The following MASTL variants were observed in gnomAD, a reference collection of about 807,000 sequenced individuals.
The protein encoded by MASTL is microtubule associated serine/threonine kinase like, also known as serine/threonine-protein kinase greatwall.
MASTL carries 54 observed loss-of-function variants against 82.5 expected under a neutral mutation model. That is an observed-to-expected ratio of 0.65 (90% CI 0.53 to 0.82). MASTL has a LOEUF of 0.82. Among genes scored for constraint, MASTL ranks in the 40% least tolerant of loss-of-function variants. The pLI is 0.00. For synonymous variants in MASTL, 323 were observed against 368.9 expected (o/e 0.88, Z 1.43); for missense variants, 950 against 1,047.8 (o/e 0.91, Z 1.29).
At chr10:27,171,825 CTTTTTTTT>C (rs112511530) in intron 8 of MASTL, among the ~76,000 whole-genome samples, 2 of 93,560 alleles carry the variant, frequency 2.1e-5, no homozygotes, top group Non-Finnish European at 3.8e-5. Context: ...AAATATGTTT[CTTTTTTTT>C]TTTTTTTTTT....
Position 27,170,655 on chromosome 10 carries a change from T to C in MASTL, c.1696T>C (p.Ser566Pro). 3 of 1,608,878 alleles carry C rather than the reference T, an allele frequency of 1.9e-6. No homozygotes were observed. The highest frequency in any genetic ancestry group is 2.5e-6 in the Non-Finnish European group (3 of 1,178,606). ...TGATGATAGAGCTTCTAAAAATATTTCTATGAACTCTGATTCATCTTTTCC... is the reference window on the plus strand; with the variant it reads ...TGATGATAGAGCTTCTAAAAATATTCCTATGAACTCTGATTCATCTTTTCC... ...SDDDRASKNI[S>P]MNSDSSFPGI... is the part of the protein sequence containing the mutation. The change falls in exon 8 of 12, where the codon TCT becomes CCT. Residue 566 changes from serine (S) to proline (P), a missense_variant. Ser to Pro is a moderately conservative substitution (Grantham distance 74, BLOSUM62 -1). Transcript: ENST00000375940.
In MASTL at chr10:27,155,393, C is replaced by T. The variant is rs763772628; in HGVS notation, c.-34C>T. ...GCGGGAGTGGCTGCTCGCGGAGGGG[C>T]AGTGTCTGCGGGGCCGCTGTATGCT... On this transcript the variant is annotated 5_prime_UTR_variant, in exon 1 of 12. Coordinates refer to ENST00000375940, the MANE Select transcript of MASTL (RefSeq NM_001172303.3). 7.0e-6 allele frequency: 11 copies of T among 1,563,920 alleles called. No individual in the cohort carries two copies. In the Admixed American group the frequency reaches 7.6e-5, roughly 11 times the overall value.
intron 1 of MASTL, among the ~76,000 whole-genome samples, chr10:27,156,110 T>G (rs2057363800): frequency 6.6e-6 from 1 of 152,190 alleles, no homozygotes; most frequent in Non-Finnish European, 1.5e-5. Context: ...GTTCACGCCA[T>G]TCCCCTGCCT....
At chr10:27,182,718 G>C (rs185422196) in intron 11 of MASTL, among the ~76,000 whole-genome samples, 3 of 152,016 alleles carry the variant, frequency 2.0e-5, no homozygotes, top group African/African-American at 7.2e-5. Context: ...ATTTCAGCCT[G>C]GGAAACAAAG....
In MASTL at chr10:27,181,564, AGAGAGCTGGAATGAAAGG is replaced by A; in HGVS notation, c.2466_2482+1del. 6.2e-7 allele frequency: 1 copy of A among 1,608,930 alleles called. No homozygotes were observed. The highest frequency in any genetic ancestry group is 8.5e-7 in the Non-Finnish European group (1 of 1,175,634). Reference sequence around the variant, plus strand: ...ATACTTTTAACCATTGATGATACAAAGAGAGCTGGAATGAAAGGTATGGTTTTGTGTTAATACATTGTT... The same window carrying A: ...ATACTTTTAACCATTGATGATACAAATATGGTTTTGTGTTAATACATTGTT... On this transcript the variant is annotated splice_donor_variant and coding_sequence_variant, in exon 11 of 12. Coordinates refer to ENST00000375940, the MANE Select transcript of MASTL (RefSeq NM_001172303.3). LOFTEE classifies it high-confidence loss of function.
intron 7 of MASTL, among the ~76,000 whole-genome samples, chr10:27,169,106 C>T (rs932108075): frequency 2.0e-5 from 3 of 152,032 alleles, no homozygotes; most frequent in Non-Finnish European, 2.9e-5. Flanking sequence ...AATTTCTGCT[C>T]TTTGGGGTTT....
chr10:27,180,919 C>T (rs1257585600), intron 9 of MASTL, 34 bp from the exon 10 acceptor site: 2 of 1,306,168 alleles, frequency 1.5e-6, no homozygotes, highest in African/African-American at 1.5e-5. Flanking sequence ...GTAGAGAATG[C>T]TTGCAACTTT....
chr10:27,161,150 A>T lies in MASTL; in HGVS notation c.521A>T (p.Asp174Val), dbSNP rs375435639. The T allele has an allele frequency of 1.2e-6, 2 of 1,612,318 alleles. No individual in the cohort carries two copies. The highest frequency in any genetic ancestry group is 1.7e-6 in the Non-Finnish European group (2 of 1,178,422). The change falls in exon 4 of 12, where the codon GAT becomes GTT. Residue 174 changes from aspartate to valine, a missense_variant. Physicochemically the swap from Asp to Val is radical, Grantham distance 152 (BLOSUM62 -3). Transcript: ENST00000375940. Reference sequence around the variant, plus strand: ...AATGAGGGTCATATTAAACTGACGGATTTTGGCCTTTCAAAAGTTACTTTG... The same window carrying T: ...AATGAGGGTCATATTAAACTGACGGTTTTTGGCCTTTCAAAAGTTACTTTG... ...ISNEGHIKLT[D>V]FGLSKVTLNR... is the part of the protein sequence containing the mutation.
chr10:27,155,269 C>G (rs1046669060), upstream of MASTL: 2 of 710,556 alleles, frequency 2.8e-6, no homozygotes, highest in African/African-American at 1.8e-5. Context: ...CCCCCTCCGT[C>G]CGCGTCTGCG....
In MASTL at chr10:27,158,656, T is replaced by C. The variant is rs142221261; in HGVS notation, c.294T>C (p.Tyr98=). 2.5e-6 allele frequency: 4 copies of C among 1,614,116 alleles called. No homozygotes were observed. The highest frequency in any genetic ancestry group is 1.1e-5 in the South Asian group (1 of 91,086). ...SKSPFIVHLY[Y]SLQSANNVYL... Reference sequence around the variant, plus strand: ...GCCCATTCATTGTCCATTTGTATTATTCACTGCAGTCTGCAAACAATGTCT... The same window carrying C: ...GCCCATTCATTGTCCATTTGTATTACTCACTGCAGTCTGCAAACAATGTCT... Residue 98 remains tyrosine (Y), a synonymous_variant, in exon 2 of 12, where the codon TAT becomes TAC. Transcript: ENST00000375940.
chr10:27,176,096 CAA>C (rs111538557), intron 9 of MASTL, among the ~76,000 whole-genome samples: 133 of 118,082 alleles, frequency 1.1e-3, no homozygotes, highest in South Asian at 1.3e-3. Flanking sequence ...GACTCCATCT[CAA>C]AAAAAAAAAA....
chr10:27,184,996 C>G (rs1196892483), intron 11 of MASTL, among the ~76,000 whole-genome samples: 4 of 152,060 alleles, frequency 2.6e-5, no homozygotes, highest in Non-Finnish European at 2.9e-5. Flanking sequence ...TCCAATGTAG[C>G]CATAAGCTAG....
At chr10:27,154,724 C>G (rs2057296832), upstream of MASTL, 1 of 175,906 alleles carries the variant, frequency 5.7e-6, no homozygotes, top group Admixed American at 6.2e-5. Context: ...TGCCCGCCAC[C>G]ACGCCCGGCT....
intron 6 of MASTL, 144 bp downstream of exon 6, chr10:27,165,683 G>A: frequency 2.3e-6 from 2 of 887,704 alleles, no homozygotes; most frequent in Non-Finnish European, 3.5e-6. Flanking sequence ...CGCGATCTCG[G>A]CGGCTCACTG....
At chr10:27,181,665 G>T (rs2058315482) in intron 11 of MASTL, 84 bp downstream of exon 11, 10 of 1,050,560 alleles carry the variant, frequency 9.5e-6, no homozygotes, top group Non-Finnish European at 4.3e-6. Flanking sequence ...TTCTGGCTGG[G>T]CGTGGTGGCT....
At chr10:27,174,691 G>A (rs751839151) in intron 9 of MASTL, among the ~76,000 whole-genome samples, 14 of 152,046 alleles carry the variant, frequency 9.2e-5, no homozygotes, top group Non-Finnish European at 5.9e-5. Context: ...CCCTCTTTCT[G>A]TGATGGTGTT....
intron 11 of MASTL, among the ~76,000 whole-genome samples, chr10:27,182,321 G>A (rs935106148): frequency 6.6e-6 from 1 of 151,454 alleles, no homozygotes. Context: ...AAGATAATTC[G>A]ATTTATTTCT....
At position 27,173,165 on chromosome 10, in the gene MASTL, G is replaced by A; in HGVS notation, c.2172G>A (p.Lys724=). Residue 724 remains lysine, a synonymous_variant, in exon 9 of 12, where the codon AAG becomes AAA. Coordinates refer to ENST00000375940, the MANE Select transcript of MASTL (RefSeq NM_001172303.3). ...IKSGTPYRTP[K]SVRRGVAPVD... ...CGGGAACTCCATACCGAACTCCGAA[G>A]AGTGTGAGAAGAGGGGTGGCCCCCG... 6.2e-7 allele frequency: 1 copy of A among 1,614,182 alleles called. No homozygotes were observed. The highest frequency in any genetic ancestry group is 1.1e-5 in the South Asian group (1 of 91,084).
chr10:27,164,309 A>G (rs1775292639), intron 4 of MASTL, among the ~76,000 whole-genome samples: 3 of 152,148 alleles, frequency 2.0e-5, no homozygotes, highest in South Asian at 4.1e-4. Context: ...ATGCCCAGCT[A>G]GTTTTTAAAT....
Sources: gnomAD v4.1 joint callset for allele counts (sites outside exome capture counted in the v4.1 genomes callset) on GRCh38, gnomAD v4.1.1 for gene constraint, MANE v1.5 for transcripts, NCBI Gene and HGNC (gene_info 2026-07-23, HGNC 2026-07-21) for gene names.